The following USPL1 variants were observed in gnomAD, a reference collection of about 807,000 sequenced individuals.
USPL1 encodes the protein ubiquitin specific peptidase like 1.
A neutral mutation model predicts 51.5 loss-of-function variants in USPL1; 27 were observed. The observed-to-expected ratio is 0.52, with a 90% CI of 0.39 to 0.72. The LOEUF is 0.72. Ranked by LOEUF, USPL1 falls within the 30% of genes least tolerant of loss-of-function variation. USPL1 has a pLI of 0.00. For missense variants in USPL1, 1,226 were observed against 1,268.0 expected (o/e 0.97, Z 0.50); for synonymous variants, 451 against 459.6 (o/e 0.98, Z 0.24).
At chr13:30,649,878 T>C (rs1013862136) in intron 7 of USPL1, among the ~76,000 whole-genome samples, 1 of 152,230 alleles carries the variant, frequency 6.6e-6, no homozygotes, top group Non-Finnish European at 1.5e-5. Flanking sequence ...TGTCTCTTGT[T>C]CTCTTTTGGT....
intron 3 of USPL1, among the ~76,000 whole-genome samples, chr13:30,628,756 T>C (rs544805294): frequency 6.6e-6 from 1 of 152,394 alleles, no homozygotes; most frequent in African/African-American, 2.4e-5. Flanking sequence ...TTCCACATTA[T>C]GTGTATGCCA....
In USPL1 at chr13:30,658,272, C is replaced by T. The variant is rs1217853765; in HGVS notation, c.2195C>T (p.Ala732Val). 3 of 1,613,602 alleles carry T rather than the reference C, an allele frequency of 1.9e-6. No individual in the cohort carries two copies. In the South Asian group the frequency reaches 3.3e-5, roughly 18 times the overall value. ...VSNLKKKETT[A>V]DSQTTTSKSL... ...AATTTGAAGAAAAAAGAAACTACAGCAGATTCTCAAACCACAACATCTAAG... is the reference window on the plus strand; with the variant it reads ...AATTTGAAGAAAAAAGAAACTACAGTAGATTCTCAAACCACAACATCTAAG... The change falls in exon 9 of 9, where the codon GCA becomes GTA. Residue 732 changes from alanine to valine, a missense_variant. Physicochemically the swap from Ala to Val is moderately conservative, Grantham distance 64. Coordinates refer to ENST00000255304, the MANE Select transcript of USPL1 (RefSeq NM_005800.5).
Position 30,657,919 on chromosome 13 carries a change from A to G in USPL1, c.1842A>G (p.Ala614=), listed in dbSNP as rs1380751446. The change falls in exon 9 of 9, where the codon GCA becomes GCG. Residue 614 remains alanine, a synonymous_variant. Transcript: ENST00000255304. The stretch of plus-strand genomic sequence containing the variant: ...TCCTGTTAGAAAATAAACCTGTAGC[A>G]GAAAATACAGGAATTCTCAAAACCA... ...EAFLLENKPV[A]ENTGILKTNT... 2 of 1,613,938 alleles carry G rather than the reference A, an allele frequency of 1.2e-6. No individual in the cohort carries two copies. Among genetic ancestry groups the G allele is most frequent in the Admixed American group, 1.7e-5 (1 of 60,026 alleles).
chr13:30,653,225 A>C lies in USPL1; in HGVS notation c.1316A>C (p.Glu439Ala), dbSNP rs1374430899. 1 of 1,613,296 alleles carries C rather than the reference A, an allele frequency of 6.2e-7. No individual in the cohort carries two copies. Among genetic ancestry groups the C allele is most frequent in the South Asian group, 1.1e-5 (1 of 91,006 alleles). ...TTGCAGCACTATGCATTTCATTTTG[A>C]AGGCTGTCTTTATCAGATAACTTCT... ...NDLQHYAFHF[E>A]GCLYQITSVI... The change falls in exon 8 of 9, where the codon GAA (glutamate) becomes GCA (alanine). Residue 439 changes from glutamate to alanine, a missense_variant. Coordinates refer to ENST00000255304, the MANE Select transcript of USPL1 (RefSeq NM_005800.5).
At chr13:30,640,296 CA>C (rs557953475) in intron 5 of USPL1, among the ~76,000 whole-genome samples, 11 of 152,232 alleles carry the variant, frequency 7.2e-5, no homozygotes, top group Admixed American at 7.2e-4. Flanking sequence ...TAATGAATTA[CA>C]AAATTGTGCT....
chr13:30,653,006 A>C (rs1268710204), intron 7 of USPL1, 142 bp from the exon 8 acceptor site: 4 of 707,314 alleles, frequency 5.7e-6, no homozygotes, highest in Non-Finnish European at 9.1e-6. Context: ...TAATTAAGGC[A>C]CACATCTGGA....
chr13:30,653,242 A>G lies in USPL1; in HGVS notation c.1333A>G (p.Ile445Val). Reference protein sequence around the residue: ...AFHFEGCLYQITSVIQYRANN... With the variant: ...AFHFEGCLYQVTSVIQYRANN... ...TCATTTTGAAGGCTGTCTTTATCAG[A>G]TAACTTCTGTAATTCAGTATCGAGC... The change falls in exon 8 of 9, where the codon ATA (isoleucine) becomes GTA (valine). Residue 445 changes from isoleucine (I) to valine (V), a missense_variant. Ile to Val is a conservative substitution (Grantham distance 29, BLOSUM62 3). Transcript: ENST00000255304. 2 of 1,612,856 alleles carry G rather than the reference A, an allele frequency of 1.2e-6. No individual in the cohort carries two copies. Among genetic ancestry groups the G allele is most frequent in the Non-Finnish European group, 1.7e-6 (2 of 1,179,200 alleles).
Position 30,636,002 on chromosome 13 carries a change from C to T in USPL1, c.869-1742C>T, listed in dbSNP as rs968391856. On this transcript the variant is annotated intron_variant, in intron 4 of 8. Coordinates refer to ENST00000255304, the MANE Select transcript of USPL1 (RefSeq NM_005800.5). ...CCACCTTTGGTTAGAACATTCAAGA[C>T]GTTATGGTTTTGTTAGGTAAGAAAT... 6.6e-5 allele frequency among the ~76,000 whole-genome samples: 10 copies of T among 152,020 alleles called. No homozygotes were observed. In the East Asian group the frequency reaches 9.6e-4, roughly 15 times the overall value.
Position 30,621,838 on chromosome 13 carries a change from A to T in USPL1, c.174A>T (p.Leu58Phe). Reference protein sequence around the residue: ...ACREKGKLKALKTYRISFQES... With the variant: ...ACREKGKLKAFKTYRISFQES... ...GAGAGAAGGGAAAGTTAAAAGCCTT[A>T]AAGACTTACCGAATTAGTTTTCAAG... is the stretch of plus-strand genomic sequence containing the variant. Residue 58 changes from leucine to phenylalanine, a missense_variant, in exon 3 of 9, where the codon TTA becomes TTT. Transcript: ENST00000255304. The T allele has an allele frequency of 6.3e-7, 1 of 1,585,222 alleles. No individual in the cohort carries two copies. The highest frequency in any genetic ancestry group is 8.6e-7 in the Non-Finnish European group (1 of 1,167,338).
rs1407394983 is a variant in USPL1, at chr13:30,618,024, A to T, written c.-101A>T. ...CAAGCTGGAACAGGAGTTCCGATCG[A>T]CCCGGTACCAAGAAGGGGAGTGCCC... On this transcript the variant is annotated 5_prime_UTR_variant, in exon 1 of 9. Transcript: ENST00000255304. 1 of 152,168 alleles carries T rather than the reference A, an allele frequency of 6.6e-6. No homozygotes were observed. The highest frequency in any genetic ancestry group is 1.9e-4 in the East Asian group (1 of 5,172). 9.4% of individuals were successfully genotyped at this position (152,168 alleles called of 1,614,324 possible). A position where few individuals can be genotyped will look rare whatever the true frequency, so the allele number is the denominator to read the frequency against.
intron 3 of USPL1, among the ~76,000 whole-genome samples, chr13:30,625,536 C>A (rs1172249862): frequency 6.7e-6 from 1 of 148,862 alleles, no homozygotes; most frequent in Non-Finnish European, 1.5e-5. Flanking sequence ...ACCTCCGACT[C>A]CCTGGTTCAA....
At chr13:30,642,896 T>A in intron 6 of USPL1, 139 bp downstream of exon 6, 2 of 989,088 alleles carry the variant, frequency 2.0e-6, no homozygotes, top group South Asian at 1.7e-5. Flanking sequence ...TTTGATAGAC[T>A]GCTAGTAGGA....
Position 30,646,746 on chromosome 13 carries a change from A to G in USPL1, c.1113-186A>G, listed in dbSNP as rs143597043. On this transcript the variant is annotated intron_variant, in intron 6 of 8. Transcript: ENST00000255304. ...ATCTCATAGTTGAAAGATATGGGAA[A>G]TTAACATGGAGCATCTTCACAGAGC... Among the ~76,000 whole-genome samples the G allele has an allele frequency of 6.6e-5, 10 of 152,364 alleles. No homozygotes were observed. The East Asian group carries it at 1.7e-3, about 26-fold the overall frequency.
At chr13:30,618,151 G>A (rs1372006913) in intron 1 of USPL1, 95 bp downstream of exon 1, 2 of 152,500 alleles carry the variant, frequency 1.3e-5, no homozygotes, top group African/African-American at 4.8e-5. Flanking sequence ...GCGCTGAAAG[G>A]ATGGGCTGGG....
rs2137636064 is a variant in USPL1 at position 30,631,244 on chromosome 13, C to T, written c.638C>T (p.Pro213Leu). 3 of 1,614,094 alleles carry T rather than the reference C, an allele frequency of 1.9e-6. No individual in the cohort carries two copies. The highest frequency in any genetic ancestry group is 2.5e-6 in the Non-Finnish European group (3 of 1,180,018). The change falls in exon 4 of 9, where the codon CCA becomes CTA. Residue 213 changes from proline (P) to leucine (L), a missense_variant. By Grantham distance (98) the Pro-to-Leu change is moderately conservative (BLOSUM62 -3). Coordinates refer to ENST00000255304, the MANE Select transcript of USPL1 (RefSeq NM_005800.5). Reference sequence around the variant, plus strand: ...GGATGTACATCTAAACTGGAAATGCCACTGGAGAGCAAATGTACATCATTT... The same window carrying T: ...GGATGTACATCTAAACTGGAAATGCTACTGGAGAGCAAATGTACATCATTT... ...NEGCTSKLEM[P>L]LESKCTSFPQ...
rs774310338 is a variant in USPL1, at chr13:30,659,409, T to TA, written c.*54dup. On this transcript the variant is annotated 3_prime_UTR_variant, in exon 9 of 9. Coordinates refer to ENST00000255304, the MANE Select transcript of USPL1 (RefSeq NM_005800.5). ...AATATTTATTATTATTAGAAGAACTTACAATGTGTTCAGGTAGTGTTTATA... is the reference window on the plus strand; with the variant it reads ...AATATTTATTATTATTAGAAGAACTTAACAATGTGTTCAGGTAGTGTTTATA... The TA allele has an allele frequency of 1.1e-4, 155 of 1,402,604 alleles. No individual in the cohort carries two copies. Among genetic ancestry groups the TA allele is most frequent in the East Asian group, 5.3e-4 (21 of 39,728 alleles). The allele number at this position is 1,402,604 out of a possible 1,614,324, so 86.9% of individuals were successfully genotyped here. A position where few individuals can be genotyped will look rare whatever the true frequency, so the allele number is the denominator to read the frequency against.
Position 30,637,807 on chromosome 13 carries a change from T to A in USPL1, c.932T>A (p.Val311Asp). 1.9e-6 allele frequency: 3 copies of A among 1,613,666 alleles called. No homozygotes were observed. Among genetic ancestry groups the A allele is most frequent in the Non-Finnish European group, 2.5e-6 (3 of 1,179,824 alleles). Residue 311 changes from valine (V) to aspartate (D), a missense_variant, in exon 5 of 9, where the codon GTT becomes GAT. Val to Asp is a radical substitution (Grantham distance 152, BLOSUM62 -3). Coordinates refer to ENST00000255304, the MANE Select transcript of USPL1 (RefSeq NM_005800.5). The stretch of plus-strand genomic sequence containing the variant: ...GAGATAGAGACCTGTCTGAATGAAG[T>A]TAGAGATGAAATTTTTATTAGCCTT... ...FAEIETCLNE[V>D]RDEIFISLQP...
chr13:30,637,702 T>C (rs1274024057), intron 4 of USPL1, 42 bp from the exon 5 acceptor site: 9 of 1,460,018 alleles, frequency 6.2e-6, no homozygotes, highest in Non-Finnish European at 8.5e-6. Context: ...TGGGAAGATA[T>C]ACATTGATGA....
At chr13:30,647,631 C>G (rs11838483) in intron 7 of USPL1, among the ~76,000 whole-genome samples, 3,269 of 152,234 alleles carry the variant, frequency 0.021, 78 homozygotes, top group Middle Eastern at 0.099. Flanking sequence ...ACTCACAGGT[C>G]AGTTCCATCT....
Sources: gnomAD v4.1 joint callset for allele counts (sites outside exome capture counted in the v4.1 genomes callset) on GRCh38, gnomAD v4.1.1 for gene constraint, MANE v1.5 for transcripts, NCBI Gene and HGNC (gene_info 2026-07-23, HGNC 2026-07-21) for gene names.